PARVA: variants seen among roughly 807,000 people sequenced by gnomAD.
The protein encoded by PARVA is parvin alpha.
A neutral mutation model predicts 52.6 loss-of-function variants in PARVA; 25 were observed. The observed-to-expected ratio is 0.48, with a 90% confidence interval of 0.35 to 0.66. The LOEUF (loss-of-function observed/expected upper bound fraction) is 0.66, where lower values mean the gene tolerates loss of function less well. PARVA is among the 30% of genes least tolerant of loss of function. The pLI, the probability that PARVA is intolerant of heterozygous loss-of-function variation, is 0.01. For synonymous variants in PARVA, 185 were observed against 179.1 expected (o/e 1.03, Z -0.26); for missense variants, 373 against 450.9 (o/e 0.83, Z 1.56).
chr11:12,448,789 TGAAAG>T (rs1357561802), intron 1 of PARVA, among the ~76,000 whole-genome samples: 2 of 152,202 alleles, frequency 1.3e-5, no homozygotes, highest in Non-Finnish European at 2.9e-5. Flanking sequence ...TTGTCTATCT[TGAAAG>T]CAGACTCACT....
At chr11:12,418,570 C>G (rs997630493) in intron 1 of PARVA, among the ~76,000 whole-genome samples, 2 of 152,162 alleles carry the variant, frequency 1.3e-5, no homozygotes, top group African/African-American at 4.8e-5. Flanking sequence ...GCCTCCCCCA[C>G]CCAGTTCATG....
chr11:12,378,574 CT>C (rs373881363), intron 1 of PARVA, among the ~76,000 whole-genome samples: 11,043 of 114,788 alleles, frequency 0.096, 563 homozygotes, highest in African/African-American at 0.16. Flanking sequence ...CGACCTTATT[CT>C]TTTTTTTTTT....
intron 4 of PARVA, chr11:12,479,586 C>G (rs1941057492): frequency 2.0e-5 from 3 of 152,200 alleles, no homozygotes; most frequent in Admixed American, 6.5e-5. Flanking sequence ...AGCAGTGAGC[C>G]ACTGCGCCTG....
chr11:12,517,710 A>C lies in PARVA; in HGVS notation c.968A>C (p.Lys323Thr), dbSNP rs1473813838. The change falls in exon 11 of 13, where the codon AAG becomes ACG. Residue 323 changes from lysine (K) to threonine (T), a missense_variant and splice_region_variant. Physicochemically the swap from Lys to Thr is moderately conservative, Grantham distance 78. Transcript: ENST00000334956. ...CTGACCCCGGACAGCTTTGAACAGAAGGTAAGGAGAAGGGACATCAAGGGA... is the reference window on the plus strand; with the variant it reads ...CTGACCCCGGACAGCTTTGAACAGACGGTAAGGAGAAGGGACATCAAGGGA... ...FFLTPDSFEQKVLNVSFAFEL... is the reference protein window; with the variant it reads ...FFLTPDSFEQTVLNVSFAFEL... 1 of 1,591,494 alleles carries C rather than the reference A, an allele frequency of 6.3e-7. No homozygotes were observed. Among genetic ancestry groups the C allele is most frequent in the Non-Finnish European group, 8.6e-7 (1 of 1,167,476 alleles).
intron 1 of PARVA, among the ~76,000 whole-genome samples, chr11:12,433,035 TAGA>T (rs1940336911): frequency 6.6e-6 from 1 of 152,212 alleles, no homozygotes; most frequent in Admixed American, 6.5e-5. Flanking sequence ...TTAATACCCA[TAGA>T]AGAAGCTAGG....
chr11:12,517,327 A>T (rs1435672820), intron 10 of PARVA, among the ~76,000 whole-genome samples: 1 of 44,062 alleles, frequency 2.3e-5, no homozygotes, highest in Non-Finnish European at 5.1e-5. Context: ...CCCACCCCCC[A>T]CCATGCTCTG....
chr11:12,397,115 G>A lies in PARVA; in HGVS notation c.136+19332G>A, dbSNP rs556545167. Among the ~76,000 whole-genome samples, 8 of 152,252 alleles carry A rather than the reference G, an allele frequency of 5.3e-5. 1 individual carries two copies. The South Asian group carries it at 1.7e-3, about 32-fold the overall frequency. On this transcript the variant is annotated intron_variant, in intron 1 of 12. Coordinates refer to ENST00000334956, the MANE Select transcript of PARVA (RefSeq NM_018222.5). ...ACCTCATTTTTATAAACAGCTTTATGCATTGCTTGGATGTGCCACTCAATG... is the reference window on the plus strand; with the variant it reads ...ACCTCATTTTTATAAACAGCTTTATACATTGCTTGGATGTGCCACTCAATG...
Position 12,496,606 on chromosome 11 carries a change from G to A in PARVA, c.541+8G>A, listed in dbSNP as rs1051408809. ...TCAAGTGGAATGTGGATTGTGAGTTGAACAAAGGAAAGGGGCACCATTAAA... is the reference window on the plus strand; with the variant it reads ...TCAAGTGGAATGTGGATTGTGAGTTAAACAAAGGAAAGGGGCACCATTAAA... On this transcript the variant is annotated splice_region_variant and intron_variant, in intron 5 of 12. Coordinates refer to ENST00000334956, the MANE Select transcript of PARVA (RefSeq NM_018222.5). 4.3e-6 allele frequency: 7 copies of A among 1,609,960 alleles called. No individual in the cohort carries two copies. In the Admixed American group the frequency reaches 6.7e-5, roughly 15 times the overall value.
intron 4 of PARVA, among the ~76,000 whole-genome samples, chr11:12,493,805 C>G (rs1179242743): frequency 6.6e-6 from 1 of 152,150 alleles, no homozygotes; most frequent in Non-Finnish European, 1.5e-5. Flanking sequence ...GTTTTCCACA[C>G]TAAGCAATTT....
chr11:12,379,727 A>G (rs1042419778), intron 1 of PARVA, among the ~76,000 whole-genome samples: 47 of 152,372 alleles, frequency 3.1e-4, no homozygotes, highest in African/African-American at 8.2e-4. Context: ...CTAGACTTCT[A>G]TTCCCTAGAT....
chr11:12,430,601 A>G (rs1042453959), intron 1 of PARVA, among the ~76,000 whole-genome samples: 1 of 152,150 alleles, frequency 6.6e-6, no homozygotes, highest in African/African-American at 2.4e-5. Flanking sequence ...TTTGACATGG[A>G]TCTTGCCTAA....
rs370886221 is a variant in PARVA, at chr11:12,463,400, G to A, written c.137-10345G>A. On this transcript the variant is annotated intron_variant, in intron 1 of 12. Coordinates refer to ENST00000334956, the MANE Select transcript of PARVA (RefSeq NM_018222.5). ...GTTTTTTTATGACTTTGACAGTTTT[G>A]AGGAGTACTGGTCAAGTATTTTTTA... is the stretch of plus-strand genomic sequence containing the variant. 1.1e-4 allele frequency among the ~76,000 whole-genome samples: 16 copies of A among 152,164 alleles called. No individual in the cohort carries two copies. The East Asian group carries it at 2.1e-3, about 20-fold the overall frequency.
upstream of PARVA, chr11:12,376,734 G>A (rs1939394422): frequency 2.0e-6 from 2 of 984,500 alleles, no homozygotes; most frequent in African/African-American, 3.5e-5. Flanking sequence ...ACTTGAGATG[G>A]GTAAGCTCAA....
intron 4 of PARVA, among the ~76,000 whole-genome samples, chr11:12,481,077 A>AT (rs913527080): frequency 1.7e-5 from 2 of 115,846 alleles, no homozygotes; most frequent in African/African-American, 2.8e-5. Flanking sequence ...TTTTTAATTA[A>AT]TTTTTTTTAA....
chr11:12,513,348 T>C lies in PARVA; in HGVS notation c.786T>C (p.Asn262=). ...TLFDHAPDKL[N]VVKKTLITFV... is the part of the protein sequence containing the mutation. ...TCGACCATGCCCCAGACAAGCTGAA[T>C]GTGGTGAAAAAGGTGGGAAAGGGGT... Residue 262 remains asparagine, a synonymous_variant, in exon 9 of 13, where the codon AAT becomes AAC. Coordinates refer to ENST00000334956, the MANE Select transcript of PARVA (RefSeq NM_018222.5). The C allele has an allele frequency of 6.2e-7, 1 of 1,613,826 alleles. No homozygotes were observed. The highest frequency in any genetic ancestry group is 8.5e-7 in the Non-Finnish European group (1 of 1,179,766).
chr11:12,523,631 C>A (rs2135089697), intron 12 of PARVA, among the ~76,000 whole-genome samples: 1 of 152,206 alleles, frequency 6.6e-6, no homozygotes, highest in East Asian at 1.9e-4. Context: ...GGGGGAGGAG[C>A]AAACAATGAG....
Position 12,496,575 on chromosome 11 carries a change from G to A in PARVA, c.518G>A (p.Arg173Lys). 3 of 1,612,356 alleles carry A rather than the reference G, an allele frequency of 1.9e-6. No individual in the cohort carries two copies. The highest frequency in any genetic ancestry group is 2.5e-6 in the Non-Finnish European group (3 of 1,179,378). ...KINETLKLPP[R>K]SIKWNVDSVH... The stretch of plus-strand genomic sequence containing the variant: ...AATGAAACCCTGAAACTTCCTCCCA[G>A]GAGCATCAAGTGGAATGTGGATTGT... The change falls in exon 5 of 13, where the codon AGG becomes AAG. Residue 173 changes from arginine to lysine, a missense_variant. Coordinates refer to ENST00000334956, the MANE Select transcript of PARVA (RefSeq NM_018222.5).
intron 1 of PARVA, among the ~76,000 whole-genome samples, chr11:12,403,617 A>G (rs1939860646): frequency 6.6e-6 from 1 of 152,252 alleles, no homozygotes; most frequent in Admixed American, 6.5e-5. Context: ...AAAATAAGAG[A>G]TTAGATTTGT....
intron 1 of PARVA, among the ~76,000 whole-genome samples, chr11:12,429,841 T>A (rs1940291497): frequency 6.6e-6 from 1 of 152,214 alleles, no homozygotes; most frequent in Admixed American, 6.5e-5. Flanking sequence ...TAGGCATAAC[T>A]GGGATAAACT....
Sources: gnomAD v4.1 joint callset for allele counts (sites outside exome capture counted in the v4.1 genomes callset) on GRCh38, gnomAD v4.1.1 for gene constraint, MANE v1.5 for transcripts, NCBI Gene and HGNC (gene_info 2026-07-23, HGNC 2026-07-21) for gene names.